Variants in FCHSD2 observed in about 807,000 individuals in gnomAD.
FCHSD2 encodes the protein F-BAR and double SH3 domains protein 2.
A neutral mutation model predicts 108.1 loss-of-function variants in FCHSD2; 38 were observed. The ratio of observed to expected loss-of-function variants is 0.35; its 90% CI spans 0.27 to 0.46. The LOEUF (loss-of-function observed/expected upper bound fraction) is 0.46. Among genes scored for constraint, FCHSD2 ranks in the 20% least tolerant of loss-of-function variants. The probability of loss-of-function intolerance (pLI) is 1.00; values close to 1 mark genes in which losing one functional copy is unlikely to be tolerated. For missense variants in FCHSD2, 751 were observed against 897.8 expected (o/e 0.84, Z 2.09); for synonymous variants, 279 against 314.7 (o/e 0.89, Z 1.20).
chr11:72,937,568 C>A (rs1176016276), intron 8 of FCHSD2, among the ~76,000 whole-genome samples: 1 of 152,192 alleles, frequency 6.6e-6, no homozygotes. Context: ...ATGTTTCCAT[C>A]TCCTGACCTC....
At chr11:72,940,166 C>CCAT (rs1489587488) in intron 8 of FCHSD2, among the ~76,000 whole-genome samples, 3 of 152,158 alleles carry the variant, frequency 2.0e-5, no homozygotes, top group Non-Finnish European at 2.9e-5. Flanking sequence ...ATCAGCTTTG[C>CCAT]CATCATCCTT....
At chr11:72,931,877 T>A (rs1164244337) in intron 8 of FCHSD2, among the ~76,000 whole-genome samples, 1 of 152,214 alleles carries the variant, frequency 6.6e-6, no homozygotes, top group African/African-American at 2.4e-5. Context: ...CTTCACAAGA[T>A]CTTGCAATAG....
At chr11:73,077,920 A>AC (rs1555084557) in intron 3 of FCHSD2, among the ~76,000 whole-genome samples, 10 of 152,142 alleles carry the variant, frequency 6.6e-5, no homozygotes, top group Admixed American at 5.9e-4. Context: ...CAATAAAGCT[A>AC]TTTTTTTAAG....
chr11:73,139,984 T>C, intron 2 of FCHSD2, 47 bp downstream of exon 2: 2 of 1,099,012 alleles, frequency 1.8e-6, no homozygotes, highest in Non-Finnish European at 2.6e-6. Flanking sequence ...CAAAGGTTCT[T>C]TGAAACAGAC....
intron 2 of FCHSD2, among the ~76,000 whole-genome samples, chr11:73,119,194 C>T (rs560376787): frequency 3.3e-5 from 5 of 151,002 alleles, no homozygotes; most frequent in South Asian, 2.1e-4. Flanking sequence ...CCCAGCTACT[C>T]GGGAGACTGA....
chr11:73,095,166 C>T (rs1355897890), intron 2 of FCHSD2, among the ~76,000 whole-genome samples: 4 of 151,994 alleles, frequency 2.6e-5, no homozygotes, highest in Admixed American at 6.6e-5. Context: ...TGACCTTGAG[C>T]GAGTTAACTT....
At chr11:72,888,206 C>A (rs774733252) in intron 11 of FCHSD2, among the ~76,000 whole-genome samples, 1 of 151,854 alleles carries the variant, frequency 6.6e-6, no homozygotes, top group Non-Finnish European at 1.5e-5. Context: ...CTAGGTATGG[C>A]CAGAAAGGCA....
intron 19 of FCHSD2, among the ~76,000 whole-genome samples, 173 bp from the exon 20 acceptor site, chr11:72,839,047 G>A (rs1860821903): frequency 6.6e-6 from 1 of 152,202 alleles, no homozygotes; most frequent in Middle Eastern, 3.2e-3. Flanking sequence ...CTGAGAAGCA[G>A]TTGTTCTCAA....
intron 8 of FCHSD2, among the ~76,000 whole-genome samples, chr11:72,957,280 G>A (rs908927963): frequency 6.2e-5 from 9 of 145,650 alleles, no homozygotes; most frequent in Admixed American, 2.1e-4. Flanking sequence ...GAGAATATGC[G>A]GTGTTTGGTT....
intron 14 of FCHSD2, among the ~76,000 whole-genome samples, chr11:72,846,003 G>T (rs1441913543): frequency 6.6e-6 from 1 of 152,038 alleles, no homozygotes; most frequent in African/African-American, 2.4e-5. Context: ...AATGAATGGG[G>T]TGTTTGATAA....
chr11:72,927,826 G>A (rs1329376384), intron 8 of FCHSD2, among the ~76,000 whole-genome samples: 1 of 152,194 alleles, frequency 6.6e-6, no homozygotes, highest in Non-Finnish European at 1.5e-5. Flanking sequence ...GCACCAATAG[G>A]TACTGTTACT....
intron 2 of FCHSD2, among the ~76,000 whole-genome samples, chr11:73,084,873 A>G (rs1342969881): frequency 1.3e-5 from 2 of 152,184 alleles, no homozygotes; most frequent in Non-Finnish European, 2.9e-5. Context: ...TCCTGAGTTT[A>G]AAGACTTTAC....
intron 10 of FCHSD2, among the ~76,000 whole-genome samples, chr11:72,892,961 G>T (rs952224133): frequency 1.3e-4 from 19 of 151,412 alleles, no homozygotes; most frequent in Non-Finnish European, 4.4e-5. Context: ...CAAAGAAACC[G>T]TAATGACTGC....
At chr11:73,128,222 T>C (rs1860905810) in intron 2 of FCHSD2, among the ~76,000 whole-genome samples, 1 of 152,144 alleles carries the variant, frequency 6.6e-6, no homozygotes, top group African/African-American at 2.4e-5. Context: ...AGTCTCTAAT[T>C]ACCAGTCAGC....
intron 3 of FCHSD2, among the ~76,000 whole-genome samples, chr11:73,054,290 C>T (rs1196713880): frequency 1.3e-5 from 2 of 151,984 alleles, no homozygotes; most frequent in African/African-American, 4.8e-5. Flanking sequence ...AATTACTTCT[C>T]TATTTTCCTT....
rs1169158700 is a variant in FCHSD2, at chr11:72,985,924, T to G, written c.522-808A>C. Among the ~76,000 whole-genome samples, 4 of 152,284 alleles carry G rather than the reference T, an allele frequency of 2.6e-5. 1 individual carries two copies. In the East Asian group the frequency reaches 5.8e-4, roughly 22 times the overall value. On this transcript the variant is annotated intron_variant, in intron 6 of 19. Coordinates refer to ENST00000409418, the MANE Select transcript of FCHSD2 (RefSeq NM_014824.3). ...TTAAAGCTGCAATGTTTGTCCTGAC[T>G]TCAGTGTCAGGGTGATTTCCATGAG...
chr11:73,078,847 A>G (rs1053424034), intron 3 of FCHSD2, among the ~76,000 whole-genome samples: 1 of 152,074 alleles, frequency 6.6e-6, no homozygotes, highest in African/African-American at 2.4e-5. Context: ...GTCTCCAAGT[A>G]GTTACGACTA....
chr11:73,062,385 C>T (rs1040847710), intron 3 of FCHSD2, among the ~76,000 whole-genome samples: 5 of 152,248 alleles, frequency 3.3e-5, no homozygotes, highest in African/African-American at 7.2e-5. Flanking sequence ...TCTTCTCCTC[C>T]AAAGGATCAC....
chr11:73,081,747 A>G (rs1426080853), intron 3 of FCHSD2, among the ~76,000 whole-genome samples: 1 of 152,122 alleles, frequency 6.6e-6, no homozygotes, highest in East Asian at 1.9e-4. Context: ...TGTAGTGTAC[A>G]TGTATGAAAG....
Sources: gnomAD v4.1 joint callset for allele counts (sites outside exome capture counted in the v4.1 genomes callset) on GRCh38, gnomAD v4.1.1 for gene constraint, MANE v1.5 for transcripts, NCBI Gene and HGNC (gene_info 2026-07-23, HGNC 2026-07-21) for gene names.